The following ME3 variants were observed in gnomAD, a reference collection of about 807,000 sequenced individuals.
The protein encoded by ME3 is NADP-dependent malic enzyme, mitochondrial.
In ME3, 48 loss-of-function variants were observed where a neutral mutation model predicts 68.9. That is an observed-to-expected ratio of 0.70 (90% confidence interval 0.55 to 0.89). The LOEUF (loss-of-function observed/expected upper bound fraction) is 0.89, where lower values mean the gene tolerates loss of function less well. ME3 is among the 40% of genes least tolerant of loss of function. ME3 has a pLI of 0.00. For synonymous variants in ME3, 320 were observed against 318.8 expected (o/e 1.00, Z -0.04); for missense variants, 675 against 797.4 (o/e 0.85, Z 1.85).
At chr11:86,548,040 G>A (rs1402497409) in intron 4 of ME3, among the ~76,000 whole-genome samples, 2 of 152,214 alleles carry the variant, frequency 1.3e-5, no homozygotes, top group Non-Finnish European at 2.9e-5. Context: ...GTCTGCATTT[G>A]TGGGGGCTGC....
At chr11:86,583,812 T>A (rs1958577448) in intron 2 of ME3, among the ~76,000 whole-genome samples, 1 of 152,130 alleles carries the variant, frequency 6.6e-6, no homozygotes, top group Admixed American at 6.6e-5. Flanking sequence ...TATCTTATAT[T>A]GAAAAATGGA....
chr11:86,459,715 A>G (rs547979251), intron 8 of ME3, among the ~76,000 whole-genome samples: 3 of 152,330 alleles, frequency 2.0e-5, no homozygotes, highest in African/African-American at 7.2e-5. Flanking sequence ...GCCACAAAGC[A>G]GGAAAATGGG....
chr11:86,450,975 C>T (rs1949599707), intron 8 of ME3, among the ~76,000 whole-genome samples: 1 of 152,238 alleles, frequency 6.6e-6, no homozygotes, highest in Admixed American at 6.5e-5. Context: ...CCTGAATCCA[C>T]ATCTAAGGCC....
At position 86,441,401 on chromosome 11, in the gene ME3, A is replaced by G. The variant is rs779419335; in HGVS notation, c.1693T>C (p.Tyr565His). Residue 565 changes from tyrosine to histidine, a missense_variant, in exon 15 of 15, where the codon TAC becomes CAC. Transcript: ENST00000543262. Reference sequence around the variant, plus strand: ...GCCTCCTTGTCCTTAGGCTCTGGGTAGTAGGAAGCCAGGTTGTGTTTGTAC... The same window carrying G: ...GCCTCCTTGTCCTTAGGCTCTGGGTGGTAGGAAGCCAGGTTGTGTTTGTAC... The G allele has an allele frequency of 3.1e-6, 5 of 1,609,004 alleles. No homozygotes were observed. Among genetic ancestry groups the G allele is most frequent in the South Asian group, 2.2e-5 (2 of 90,170 alleles).
At chr11:86,658,583 A>G (rs1418868912) in intron 2 of ME3, among the ~76,000 whole-genome samples, 3 of 152,174 alleles carry the variant, frequency 2.0e-5, no homozygotes, top group African/African-American at 7.2e-5. Flanking sequence ...ACAGTAGTAG[A>G]TCACAGAACA....
At chr11:86,634,407 C>T (rs1350299170) in intron 2 of ME3, among the ~76,000 whole-genome samples, 9 of 152,152 alleles carry the variant, frequency 5.9e-5, no homozygotes, top group South Asian at 2.1e-4. Context: ...TCAGCATGCC[C>T]GTGGGACAGC....
intron 6 of ME3, among the ~76,000 whole-genome samples, chr11:86,488,866 G>T (rs754083072): frequency 6.6e-6 from 1 of 152,198 alleles, no homozygotes; most frequent in Non-Finnish European, 1.5e-5. Flanking sequence ...GGAACAAAGT[G>T]TGGCACATGG....
chr11:86,625,092 A>G (rs80280022), intron 2 of ME3, among the ~76,000 whole-genome samples: 3,772 of 152,166 alleles, frequency 0.025, 137 homozygotes, highest in African/African-American at 0.081. Context: ...TTAATTAAAT[A>G]TTTTTCTTTA....
chr11:86,613,537 C>G (rs1942745113), intron 2 of ME3, among the ~76,000 whole-genome samples: 1 of 152,138 alleles, frequency 6.6e-6, no homozygotes, highest in Non-Finnish European at 1.5e-5. Flanking sequence ...TTGTCTCTAT[C>G]TGCAGATGAC....
chr11:86,621,223 A>G (rs1009215359), intron 2 of ME3, among the ~76,000 whole-genome samples: 3 of 152,214 alleles, frequency 2.0e-5, no homozygotes, highest in African/African-American at 7.2e-5. Flanking sequence ...TCCTGACACA[A>G]TGTTCTTTGA....
chr11:86,483,830 C>T (rs1362347605), intron 7 of ME3, among the ~76,000 whole-genome samples: 1 of 152,192 alleles, frequency 6.6e-6, no homozygotes, highest in Non-Finnish European at 1.5e-5. Flanking sequence ...CAGGTGCAAA[C>T]TCAGAACACA....
At chr11:86,650,169 C>CT (rs1358243153) in intron 2 of ME3, among the ~76,000 whole-genome samples, 1 of 152,182 alleles carries the variant, frequency 6.6e-6, no homozygotes, top group African/African-American at 2.4e-5. Context: ...CTACAACCAT[C>CT]TGATCTTTGA....
Position 86,446,598 on chromosome 11 carries a change from C to T in ME3, c.1381-111G>A, listed in dbSNP as rs1037678955. 3.1e-5 allele frequency: 32 copies of T among 1,045,594 alleles called. No individual in the cohort carries two copies. The African/African-American group carries it at 4.7e-4, about 15-fold the overall frequency. The allele number at this position is 1,045,594 out of a possible 1,614,324, so 64.8% of individuals were successfully genotyped here. A position where few individuals can be genotyped will look rare whatever the true frequency, so the allele number is the denominator to read the frequency against. ...ACCCTTCTTCATCCTCTCCCAAACG[C>T]CCAGCACTGTGCTGAGAACATGGCA... is the stretch of plus-strand genomic sequence containing the variant. On this transcript the variant is annotated intron_variant, in intron 12 of 14. Coordinates refer to ENST00000543262, the Ensembl canonical transcript of ME3.
chr11:86,599,151 C>CT (rs1271656881), intron 2 of ME3, among the ~76,000 whole-genome samples: 1 of 152,132 alleles, frequency 6.6e-6, no homozygotes, highest in Admixed American at 6.5e-5. Flanking sequence ...TCAAACTACT[C>CT]TGAGCTACAG....
intron 6 of ME3, among the ~76,000 whole-genome samples, chr11:86,487,879 A>T (rs948800791): frequency 6.6e-6 from 1 of 152,218 alleles, no homozygotes; most frequent in African/African-American, 2.4e-5. Context: ...AGTTGTGGCC[A>T]TCAAAAATGA....
At chr11:86,550,559 C>T (rs1272552970) in intron 4 of ME3, among the ~76,000 whole-genome samples, 1 of 152,200 alleles carries the variant, frequency 6.6e-6, no homozygotes, top group Non-Finnish European at 1.5e-5. Context: ...TTTCCAGCAG[C>T]ACAGCTGAAA....
chr11:86,620,986 C>T lies in ME3; in HGVS notation c.183+50776G>A, dbSNP rs540497584. On this transcript the variant is annotated intron_variant, in intron 2 of 14. Transcript: ENST00000543262. ...TGGTTGGTTAAGTAATACAATACAGCCCAGGTTCCTGACCGGGCCTCCACC... is the reference window on the plus strand; with the variant it reads ...TGGTTGGTTAAGTAATACAATACAGTCCAGGTTCCTGACCGGGCCTCCACC... Among the ~76,000 whole-genome samples the T allele has an allele frequency of 1.1e-3, 166 of 152,214 alleles. 1 individual carries two copies. Among genetic ancestry groups the T allele is most frequent in the African/African-American group, 3.5e-3 (145 of 41,540 alleles).
chr11:86,641,738 C>G (rs1172372253), intron 2 of ME3, among the ~76,000 whole-genome samples: 1 of 152,178 alleles, frequency 6.6e-6, no homozygotes, highest in Non-Finnish European at 1.5e-5. Flanking sequence ...ATTGGACTTT[C>G]TATGATGTCT....
At chr11:86,591,679 G>A (rs1320880054) in intron 2 of ME3, among the ~76,000 whole-genome samples, 1 of 152,158 alleles carries the variant, frequency 6.6e-6, no homozygotes. Flanking sequence ...ACATGGCTGG[G>A]GAGGCCTCAC....
Sources: gnomAD v4.1 joint callset for allele counts (sites outside exome capture counted in the v4.1 genomes callset) on GRCh38, gnomAD v4.1.1 for gene constraint, MANE v1.5 for transcripts, NCBI Gene and HGNC (gene_info 2026-07-23, HGNC 2026-07-21) for gene names.